The following PAX3 variants were observed in gnomAD, a reference collection of about 807,000 sequenced individuals.
PAX3 encodes the protein paired box 3, also known as paired box protein Pax-3.
In PAX3, 14 loss-of-function variants were observed where a neutral mutation model predicts 51.6. That is an observed-to-expected ratio of 0.27 (90% CI 0.18 to 0.42). PAX3 has a LOEUF of 0.42. Ranked by LOEUF, PAX3 falls within the 10% of genes least tolerant of loss-of-function variation. The pLI is 1.00. For missense variants in PAX3, 540 were observed against 642.8 expected, an observed-to-expected ratio of 0.84 and a Z score of 1.73; for synonymous variants, 280 against 253.4, an observed-to-expected ratio of 1.11 and a Z score of -1.00.
chr2:222,230,389 A>G (rs1692542963), intron 5 of PAX3, among the ~76,000 whole-genome samples: 1 of 150,272 alleles, frequency 6.7e-6, no homozygotes, highest in Non-Finnish European at 1.5e-5. Context: ...AGGGAGGGGA[A>G]AATCACACAC....
At chr2:222,221,739 A>G (rs1574648727) in intron 5 of PAX3, 1 of 313,030 alleles carries the variant, frequency 3.2e-6, no homozygotes, top group East Asian at 7.8e-5. Flanking sequence ...TGGGGAGGAT[A>G]CATGAGCCTC....
At chr2:222,218,427 A>C (rs1692052472) in intron 7 of PAX3, among the ~76,000 whole-genome samples, 1 of 152,246 alleles carries the variant, frequency 6.6e-6, no homozygotes, top group Non-Finnish European at 1.5e-5. Flanking sequence ...GCTATTGAAT[A>C]AAATAAGGTA....
chr2:222,224,634 G>A (rs888280564), intron 5 of PAX3, among the ~76,000 whole-genome samples: 3 of 151,986 alleles, frequency 2.0e-5, no homozygotes, highest in Non-Finnish European at 2.9e-5. Context: ...CGAACCAAGC[G>A]TAGTGATCCT....
At chr2:222,230,948 T>A (rs1692571357) in intron 5 of PAX3, among the ~76,000 whole-genome samples, 1 of 152,184 alleles carries the variant, frequency 6.6e-6, no homozygotes, top group Non-Finnish European at 1.5e-5. Context: ...GTGTTATTTT[T>A]AAATTATTTG....
At chr2:222,252,185 C>T (rs973793849) in intron 4 of PAX3, among the ~76,000 whole-genome samples, 1 of 152,064 alleles carries the variant, frequency 6.6e-6, no homozygotes, top group Non-Finnish European at 1.5e-5. Context: ...TTTCTATGGC[C>T]GCATGCTACA....
intron 4 of PAX3, among the ~76,000 whole-genome samples, chr2:222,266,620 A>G (rs1694064466): frequency 6.6e-6 from 1 of 152,218 alleles, no homozygotes; most frequent in African/African-American, 2.4e-5. Context: ...GCTGCTACAC[A>G]ATCTCTCTAA....
chr2:222,204,479 A>T (rs1691428338), intron 7 of PAX3, among the ~76,000 whole-genome samples: 1 of 152,144 alleles, frequency 6.6e-6, no homozygotes, highest in Non-Finnish European at 1.5e-5. Context: ...TTTCAGCCCA[A>T]ATTAGACATT....
At chr2:222,246,703 GT>G (rs1188204404) in intron 4 of PAX3, among the ~76,000 whole-genome samples, 1 of 152,006 alleles carries the variant, frequency 6.6e-6, no homozygotes, top group African/African-American at 2.4e-5. Context: ...CAAAATATAA[GT>G]TTTTAAAAAC....
chr2:222,211,526 T>C (rs190527409), intron 7 of PAX3, among the ~76,000 whole-genome samples: 1 of 152,180 alleles, frequency 6.6e-6, no homozygotes, highest in Non-Finnish European at 1.5e-5. Flanking sequence ...CTCCCCCTAC[T>C]CTAAGTTCTT....
chr2:222,273,963 C>A (rs527655829), intron 4 of PAX3, among the ~76,000 whole-genome samples: 19 of 152,248 alleles, frequency 1.2e-4, no homozygotes, highest in Admixed American at 4.6e-4. Flanking sequence ...ATCTGTTCTG[C>A]AAGTAAATTC....
At chr2:222,211,658 C>T (rs1691740928) in intron 7 of PAX3, among the ~76,000 whole-genome samples, 1 of 152,130 alleles carries the variant, frequency 6.6e-6, no homozygotes, top group South Asian at 2.1e-4. Flanking sequence ...AGAGTTAGGT[C>T]TCCACGTGGG....
At chr2:222,221,533 C>A (rs766866455) in intron 5 of PAX3, 146 bp from the exon 6 acceptor site, 1 of 773,646 alleles carries the variant, frequency 1.3e-6, no homozygotes, top group Non-Finnish European at 2.2e-6. Context: ...GTTGTTTGGG[C>A]GAATTGTCAG....
At chr2:222,292,382 T>C (rs1262437525) in intron 4 of PAX3, among the ~76,000 whole-genome samples, 1 of 152,254 alleles carries the variant, frequency 6.6e-6, no homozygotes, top group African/African-American at 2.4e-5. Flanking sequence ...CAATGGACTC[T>C]CCAGGCTTTG....
Position 222,284,266 on chromosome 2 carries a change from G to C in PAX3, c.586+9901C>G, listed in dbSNP as rs373351670. On this transcript the variant is annotated intron_variant, in intron 4 of 8. Transcript: ENST00000392070. ...GCAAAAACAATTCCCCAAAATGAAA[G>C]ACTATAACAGCATTTTAGGAATAAG... Among the ~76,000 whole-genome samples the C allele has an allele frequency of 3.3e-5, 5 of 152,078 alleles. 1 individual carries two copies. The East Asian group carries it at 9.6e-4, about 29-fold the overall frequency.
At chr2:222,298,502 C>A (rs1469726743) in intron 1 of PAX3, 29 bp downstream of exon 1, 1 of 1,564,620 alleles carries the variant, frequency 6.4e-7, no homozygotes, top group Non-Finnish European at 8.7e-7. Flanking sequence ...GCCCTGGGAT[C>A]CAGGCGGCGC....
At chr2:222,270,743 T>A (rs1314021184) in intron 4 of PAX3, among the ~76,000 whole-genome samples, 1 of 152,152 alleles carries the variant, frequency 6.6e-6, no homozygotes, top group Non-Finnish European at 1.5e-5. Context: ...AATGTGAAAA[T>A]CAAAAGACTT....
At chr2:222,256,231 A>G (rs1430661) in intron 4 of PAX3, among the ~76,000 whole-genome samples, 17,607 of 152,126 alleles carry the variant, frequency 0.12, 1,235 homozygotes, top group East Asian at 0.32. Flanking sequence ...TAAACTGGCC[A>G]TAAGGCAGAT....
intron 4 of PAX3, among the ~76,000 whole-genome samples, chr2:222,285,591 T>C (rs1005291402): frequency 2.6e-5 from 4 of 152,262 alleles, no homozygotes; most frequent in East Asian, 1.9e-4. Flanking sequence ...TATGTGACCG[T>C]ATCAGCATTG....
Position 222,201,301 on chromosome 2 carries a change from C to CCA in PAX3, c.*106_*107insTG, listed in dbSNP as rs1691282235. On this transcript the variant is annotated 3_prime_UTR_variant, in exon 9 of 9. Coordinates refer to ENST00000392070, the MANE Select transcript of PAX3 (RefSeq NM_181458.4). ...CTCCTATTGGGACCACTGCCCCACCCCCCCCAACAAAAGGGTAATTTTTTT... is the reference window on the plus strand; with the variant it reads ...CTCCTATTGGGACCACTGCCCCACCCCACCCCCAACAAAAGGGTAATTTTTTT... 2 of 1,611,390 alleles carry CCA rather than the reference C, an allele frequency of 1.2e-6. No homozygotes were observed. The highest frequency in any genetic ancestry group is 2.2e-5 in the East Asian group (1 of 44,540).
Sources: allele counts gnomAD v4.1 joint callset (sites outside exome capture counted in the v4.1 genomes callset), GRCh38; gene constraint gnomAD v4.1.1; transcripts MANE v1.5; gene names NCBI Gene and HGNC (gene_info 2026-07-23, HGNC 2026-07-21).